Variants in KIF4A observed in about 807,000 individuals in gnomAD.
KIF4A encodes chromosome-associated kinesin KIF4A.
In KIF4A, 7 loss-of-function variants were observed where a neutral mutation model predicts 105.9. The observed-to-expected ratio is 0.07, with a 90% CI of 0.04 to 0.12. The LOEUF is 0.12. KIF4A is among the 10% of genes least tolerant of loss of function. The pLI is 1.00. For synonymous variants in KIF4A, 281 were observed against 331.3 expected, an observed-to-expected ratio of 0.85 and a Z score of 1.65; for missense variants, 558 against 929.2, an observed-to-expected ratio of 0.60 and a Z score of 5.19.
At chrX:70,368,577 A>G (rs1424661042) in intron 15 of KIF4A, among the ~76,000 whole-genome samples, 2 of 112,021 alleles carry the variant, frequency 1.8e-5, no homozygotes, top group Non-Finnish European at 3.8e-5. Flanking sequence ...ATTGGTGGAC[A>G]CCAAATGTCG....
At chrX:70,306,201 T>C (rs1427489602) in intron 7 of KIF4A, among the ~76,000 whole-genome samples, 1 of 112,482 alleles carries the variant, frequency 8.9e-6, no homozygotes, top group Non-Finnish European at 1.9e-5. Context: ...AAGAAGCAAC[T>C]GGTCTCTATT....
chrX:70,323,300 G>A lies in KIF4A; in HGVS notation c.779-6105G>A, dbSNP rs769864185. Among the ~76,000 whole-genome samples the A allele has an allele frequency of 1.5e-4, 17 of 110,741 alleles. 1 individual carries two copies. The highest frequency in any genetic ancestry group is 4.6e-4 in the African/African-American group (14 of 30,403). On this transcript the variant is annotated intron_variant, in intron 7 of 30. Coordinates refer to ENST00000374403, the MANE Select transcript of KIF4A (RefSeq NM_012310.5). ...CTTCCACACTAACACTGCCCCAGCC[G>A]TGTATTACAGTCATTTCCTTAACTA...
At chrX:70,399,077 C>A (rs898209762) in intron 22 of KIF4A, among the ~76,000 whole-genome samples, 1 of 111,779 alleles carries the variant, frequency 8.9e-6, no homozygotes, top group Non-Finnish European at 1.9e-5. Context: ...GTTGATTTTA[C>A]TAAATCTGGA....
chrX:70,359,549 C>T (rs147647483), intron 15 of KIF4A, among the ~76,000 whole-genome samples: 30 of 108,547 alleles, frequency 2.8e-4, no homozygotes, highest in African/African-American at 9.7e-4. Flanking sequence ...GTCTGGGGCA[C>T]GTACAGCAGC....
chrX:70,349,734 T>G (rs1468524115), intron 13 of KIF4A, among the ~76,000 whole-genome samples: 8 of 20,244 alleles, frequency 4.0e-4, no homozygotes, highest in African/African-American at 6.9e-4. Context: ...CCAGACGGGG[T>G]GGCGGCCAGG....
chrX:70,309,904 G>A (rs773176702), intron 7 of KIF4A, among the ~76,000 whole-genome samples: 42 of 111,900 alleles, frequency 3.8e-4, no homozygotes, highest in Non-Finnish European at 3.0e-4. Context: ...TTAGCCAAGC[G>A]TGGTGGCGCA....
At chrX:70,379,182 AAAG>A (rs1267502892) in intron 18 of KIF4A, among the ~76,000 whole-genome samples, 1 of 110,845 alleles carries the variant, frequency 9.0e-6, no homozygotes, top group Non-Finnish European at 1.9e-5. Context: ...AGAAAAGAAA[AAAG>A]AAAAAAAAGA....
At chrX:70,345,658 G>T in intron 13 of KIF4A, among the ~76,000 whole-genome samples, 1 of 111,041 alleles carries the variant, frequency 9.0e-6, no homozygotes, top group Middle Eastern at 4.6e-3. Flanking sequence ...TTTGGTTGGA[G>T]ATTGTTTCAT....
At chrX:70,330,115 T>C in intron 8 of KIF4A, 42 bp from the exon 9 acceptor site, 2 of 1,108,720 alleles carry the variant, frequency 1.8e-6, no homozygotes, top group Non-Finnish European at 2.4e-6. Flanking sequence ...CCTACTTGTT[T>C]GATTTCATTT....
intron 15 of KIF4A, among the ~76,000 whole-genome samples, chrX:70,363,640 A>G (rs1274956544): frequency 1.8e-5 from 2 of 112,039 alleles, no homozygotes; most frequent in African/African-American, 6.5e-5. Context: ...CCAGTCTATC[A>G]TTGTTGGACA....
intron 3 of KIF4A, among the ~76,000 whole-genome samples, chrX:70,291,545 G>T (rs1341382672): frequency 1.8e-5 from 2 of 111,383 alleles, no homozygotes; most frequent in African/African-American, 6.5e-5. Flanking sequence ...TGCTGTTGAG[G>T]ACCATAGCAG....
At chrX:70,415,402 G>C (rs1043879627) in intron 28 of KIF4A, 2 of 233,490 alleles carry the variant, frequency 8.6e-6, no homozygotes, top group Non-Finnish European at 1.6e-5. Context: ...TTGAGGCCAG[G>C]AGTTCAAGAC....
At chrX:70,347,145 T>G in intron 13 of KIF4A, among the ~76,000 whole-genome samples, 1 of 111,792 alleles carries the variant, frequency 8.9e-6, no homozygotes, top group Non-Finnish European at 1.9e-5. Context: ...CAAGACCAGT[T>G]CCATAAAAAG....
rs764086585 is a variant in KIF4A, at chrX:70,407,009, T to C, written c.3189T>C (p.Asp1063=). 1 of 1,209,902 alleles carries C rather than the reference T, an allele frequency of 8.3e-7. No homozygotes were observed. The highest frequency in any genetic ancestry group is 2.2e-5 in the Admixed American group (1 of 45,892). ...ATGAGGATGGTGATGGTGATGATGA[T>C]GAGGGGGATGACGAGGAATGGAAGC... ...NEHEDGDGDD[D]EGDDEEWKPT... The change falls in exon 28 of 31, where the codon GAT becomes GAC. Residue 1063 remains aspartate, a synonymous_variant. Coordinates refer to ENST00000374403, the MANE Select transcript of KIF4A (RefSeq NM_012310.5).
At chrX:70,307,189 A>G (rs907014272) in intron 7 of KIF4A, among the ~76,000 whole-genome samples, 2 of 110,478 alleles carry the variant, frequency 1.8e-5, no homozygotes, top group Non-Finnish European at 3.8e-5. Context: ...TTTTCAGAGT[A>G]TAAGTTTTAC....
chrX:70,378,738 A>G (rs1602789233), intron 18 of KIF4A, among the ~76,000 whole-genome samples: 1 of 94,045 alleles, frequency 1.1e-5, no homozygotes, highest in South Asian at 5.0e-4. Flanking sequence ...AAAAAAAAAA[A>G]GGATTAAAGT....
chrX:70,296,968 C>T, intron 3 of KIF4A, 30 bp from the exon 4 acceptor site: 3 of 1,182,377 alleles, frequency 2.5e-6, no homozygotes, highest in Non-Finnish European at 3.4e-6. Context: ...TGTTTAAACA[C>T]CACTATGCAT....
intron 15 of KIF4A, among the ~76,000 whole-genome samples, chrX:70,366,501 T>C (rs2086104154): frequency 8.9e-6 from 1 of 112,401 alleles, no homozygotes; most frequent in African/African-American, 3.2e-5. Context: ...CTTCATTTTG[T>C]TATGTACCCA....
rs761632138 is a variant in KIF4A at position 70,401,833 on chromosome X, TACA to T, written c.2490-732_2490-730del. ...TCCTGAAACCCCAAAATTTGAGAAC[TACA>T]GTCTTAGATTATTTTCATACCCATC... On this transcript the variant is annotated intron_variant, in intron 22 of 30. Transcript: ENST00000374403. 6.1e-4 allele frequency among the ~76,000 whole-genome samples: 69 copies of T among 112,285 alleles called. No homozygotes were observed. The East Asian group carries it at 0.016, about 27-fold the overall frequency.
Sources: allele counts gnomAD v4.1 joint callset (sites outside exome capture counted in the v4.1 genomes callset), GRCh38; gene constraint gnomAD v4.1.1; transcripts MANE v1.5; gene names NCBI Gene and HGNC (gene_info 2026-07-23, HGNC 2026-07-21).